The following ABI3BP variants were observed in gnomAD, a reference collection of about 807,000 sequenced individuals.
ABI3BP encodes the protein ABI family member 3 binding protein.
Under a neutral mutation model 268.6 loss-of-function variants are expected in ABI3BP, and 216 were observed. That is an observed-to-expected ratio of 0.80 (90% CI 0.72 to 0.90). ABI3BP has a LOEUF of 0.90. ABI3BP is among the 40% of genes least tolerant of loss of function. The pLI, the probability that ABI3BP is intolerant of heterozygous loss-of-function variation, is 0.00. For synonymous variants in ABI3BP, 730 were observed against 730.0 expected, an observed-to-expected ratio of 1.00 and a Z score of 0.00; for missense variants, 2,090 against 2,182.4, an observed-to-expected ratio of 0.96 and a Z score of 0.84.
At chr3:100,816,212 T>C (rs1560384946) in intron 43 of ABI3BP, 1 of 491,726 alleles carries the variant, frequency 2.0e-6, no homozygotes, top group South Asian at 3.3e-5. Context: ...CATGAGGTTT[T>C]CCTAGGTATT....
intron 61 of ABI3BP, among the ~76,000 whole-genome samples, chr3:100,773,136 T>A (rs190206411): frequency 2.4e-4 from 36 of 149,972 alleles, no homozygotes; most frequent in African/African-American, 8.3e-4. Flanking sequence ...TCCATACCTA[T>A]TAAAGAAAGT....
intron 2 of ABI3BP, among the ~76,000 whole-genome samples, chr3:100,912,489 T>C (rs947021680): frequency 6.6e-6 from 1 of 152,062 alleles, no homozygotes; most frequent in Non-Finnish European, 1.5e-5. Context: ...TAATTATTTT[T>C]ATTAGAAGCC....
intron 63 of ABI3BP, among the ~76,000 whole-genome samples, chr3:100,755,550 TAAAC>T (rs1402097142): frequency 6.6e-6 from 1 of 152,182 alleles, no homozygotes; most frequent in African/African-American, 2.4e-5. Flanking sequence ...AACCTTTTGT[TAAAC>T]AAAACCCCCA....
chr3:100,901,485 T>C (rs2576394), intron 3 of ABI3BP, among the ~76,000 whole-genome samples: 145,147 of 152,224 alleles, frequency 0.95, 69,571 homozygotes, highest in East Asian at 1. Flanking sequence ...AAAAGCAGGC[T>C]GGGTGCAGTG....
chr3:100,960,455 G>C (rs778219986), intron 1 of ABI3BP, among the ~76,000 whole-genome samples: 5 of 152,134 alleles, frequency 3.3e-5, no homozygotes, highest in Admixed American at 6.5e-5. Flanking sequence ...ACAACAGCTA[G>C]ACACATCATC....
chr3:100,954,625 C>T (rs750929157), intron 1 of ABI3BP, among the ~76,000 whole-genome samples: 1 of 152,124 alleles, frequency 6.6e-6, no homozygotes, highest in Non-Finnish European at 1.5e-5. Context: ...CTCAGCCATG[C>T]CCTTCAAAAA....
intron 6 of ABI3BP, among the ~76,000 whole-genome samples, chr3:100,878,510 G>C (rs1280987028): frequency 6.6e-6 from 1 of 152,176 alleles, no homozygotes; most frequent in Non-Finnish European, 1.5e-5. Flanking sequence ...ATAACTAGAG[G>C]AATGACGCAG....
chr3:100,904,309 T>G (rs890159509), intron 2 of ABI3BP, among the ~76,000 whole-genome samples: 6 of 152,188 alleles, frequency 3.9e-5, no homozygotes, highest in Admixed American at 1.3e-4. Context: ...TGTCACCATC[T>G]TGAAATTCTT....
chr3:100,967,935 A>T (rs1347713850), intron 1 of ABI3BP, among the ~76,000 whole-genome samples: 1 of 152,218 alleles, frequency 6.6e-6, no homozygotes, highest in African/African-American at 2.4e-5. Context: ...AACTGTAGTT[A>T]CTTAGGTCAG....
rs1290378217 is a variant in ABI3BP at position 100,813,723 on chromosome 3, A to T, written c.3302T>A (p.Leu1101Gln). 6.5e-7 allele frequency: 1 copy of T among 1,535,356 alleles called. No individual in the cohort carries two copies. ...CACTGGTTTCAAAATAAGAGTTTGC[A>T]GTTCAGTCAGAGCTGAAAGAAGAGG... is the stretch of plus-strand genomic sequence containing the variant. Reference protein sequence around the residue: ...APGTTFALTELQTLILKPVTS... With the variant: ...APGTTFALTEQQTLILKPVTS... Residue 1101 changes from leucine to glutamine, a missense_variant, in exon 45 of 68, where the codon CTG (leucine) becomes CAG (glutamine). Physicochemically the swap from Leu to Gln is moderately radical, Grantham distance 113. Coordinates refer to ENST00000471714, the MANE Select transcript of ABI3BP (RefSeq NM_001375547.2).
At chr3:100,883,955 C>A (rs935109604) in intron 6 of ABI3BP, among the ~76,000 whole-genome samples, 3 of 152,040 alleles carry the variant, frequency 2.0e-5, no homozygotes, top group African/African-American at 7.2e-5. Flanking sequence ...CAGTACACAG[C>A]AATTAAAATT....
At chr3:100,794,717 G>C (rs1254920514) in intron 54 of ABI3BP, among the ~76,000 whole-genome samples, 1 of 151,846 alleles carries the variant, frequency 6.6e-6, no homozygotes, top group Non-Finnish European at 1.5e-5. Context: ...ACACATCTTA[G>C]ATGTGTTAAA....
At chr3:100,959,348 G>C (rs890818863) in intron 1 of ABI3BP, among the ~76,000 whole-genome samples, 4 of 151,134 alleles carry the variant, frequency 2.6e-5, no homozygotes, top group Admixed American at 6.6e-5. Flanking sequence ...AAATTAGCCG[G>C]GCGTGGTAGC....
chr3:100,868,223 T>C (rs1243819108), intron 9 of ABI3BP, among the ~76,000 whole-genome samples: 1 of 152,204 alleles, frequency 6.6e-6, no homozygotes, highest in Non-Finnish European at 1.5e-5. Flanking sequence ...TGAGGCTAGA[T>C]TATTTTTTTG....
At chr3:100,805,022 G>T (rs2097663226) in intron 50 of ABI3BP, among the ~76,000 whole-genome samples, 156 bp from the exon 51 acceptor site, 1 of 152,064 alleles carries the variant, frequency 6.6e-6, no homozygotes, top group Admixed American at 6.6e-5. Context: ...CTAACCTTAA[G>T]CTCTAGAAAT....
intron 19 of ABI3BP, 127 bp downstream of exon 19, chr3:100,847,475 G>T: frequency 2.5e-6 from 2 of 811,088 alleles, no homozygotes; most frequent in Non-Finnish European, 4.1e-6. Flanking sequence ...CTCTGAGATG[G>T]GCCATGCTGT....
intron 39 of ABI3BP, 55 bp from the exon 40 acceptor site, chr3:100,820,358 T>C: frequency 7.5e-7 from 1 of 1,328,704 alleles, no homozygotes; most frequent in Non-Finnish European, 1.0e-6. Context: ...AAGCTATGAG[T>C]AGCATGACAT....
intron 35 of ABI3BP, among the ~76,000 whole-genome samples, chr3:100,825,383 T>TTTTTTA (rs1290111765): frequency 6.8e-6 from 1 of 147,568 alleles, no homozygotes; most frequent in Admixed American, 6.8e-5. Flanking sequence ...GGCATTTTTT[T>TTTTTTA]TTTTTTAAAT....
At chr3:100,961,974 A>G (rs1036493110) in intron 1 of ABI3BP, among the ~76,000 whole-genome samples, 1 of 152,162 alleles carries the variant, frequency 6.6e-6, no homozygotes, top group Non-Finnish European at 1.5e-5. Context: ...ACTGTGGATG[A>G]GCCCAACAAT....
Sources: allele counts gnomAD v4.1 joint callset (sites outside exome capture counted in the v4.1 genomes callset), GRCh38; gene constraint gnomAD v4.1.1; transcripts MANE v1.5; gene names NCBI Gene and HGNC (gene_info 2026-07-23, HGNC 2026-07-21).